SOX6: variants seen among roughly 807,000 people sequenced by gnomAD.
SOX6 encodes the protein transcription factor SOX-6.
In SOX6, 11 loss-of-function variants were observed where a neutral mutation model predicts 97.8. The observed-to-expected ratio is 0.11, with a 90% CI of 0.07 to 0.19. The LOEUF (loss-of-function observed/expected upper bound fraction) is 0.19. Ranked by LOEUF, SOX6 falls within the 10% of genes least tolerant of loss-of-function variation. SOX6 has a pLI of 1.00. For synonymous variants in SOX6, 360 were observed against 371.4 expected (o/e 0.97, Z 0.35); for missense variants, 810 against 1,039.5 (o/e 0.78, Z 3.04).
intron 3 of SOX6, among the ~76,000 whole-genome samples, chr11:16,236,436 A>G (rs1853025058): frequency 6.6e-6 from 1 of 152,016 alleles, no homozygotes; most frequent in Non-Finnish European, 1.5e-5. Flanking sequence ...GAATTTCTGA[A>G]AGAGATTGAT....
intron 4 of SOX6, among the ~76,000 whole-genome samples, chr11:16,551,859 C>T (rs1301837240): frequency 2.0e-5 from 3 of 152,084 alleles, no homozygotes; most frequent in Non-Finnish European, 4.4e-5. Flanking sequence ...CCCACCTCAG[C>T]CTCCCAAAGT....
intron 3 of SOX6, chr11:16,264,492 T>C (rs902988132): frequency 2.0e-4 from 30 of 152,010 alleles, no homozygotes; most frequent in Admixed American, 2.0e-3. Flanking sequence ...TATATGCATA[T>C]GTAGGTTGTT....
At chr11:16,309,915 T>C (rs148077516) in intron 3 of SOX6, among the ~76,000 whole-genome samples, 37 of 152,232 alleles carry the variant, frequency 2.4e-4, no homozygotes, top group Middle Eastern at 3.4e-3. Flanking sequence ...TATGAGACTA[T>C]AACTTATTTC....
intron 12 of SOX6, among the ~76,000 whole-genome samples, chr11:16,043,457 T>C (rs1014424665): frequency 6.6e-6 from 1 of 152,164 alleles, no homozygotes; most frequent in African/African-American, 2.4e-5. Flanking sequence ...CAGTCGACAA[T>C]GACTCCACTG....
At chr11:16,629,518 G>T (rs1173143396) in intron 3 of SOX6, among the ~76,000 whole-genome samples, 1 of 152,034 alleles carries the variant, frequency 6.6e-6, no homozygotes, top group African/African-American at 2.4e-5. Flanking sequence ...GAAGACTTTT[G>T]TGTCTATACT....
intron 3 of SOX6, among the ~76,000 whole-genome samples, chr11:16,653,653 C>T (rs1847684225): frequency 6.6e-6 from 1 of 152,082 alleles, no homozygotes; most frequent in African/African-American, 2.4e-5. Context: ...TGATAAAGCA[C>T]TACACATTAG....
intron 13 of SOX6, among the ~76,000 whole-genome samples, chr11:16,010,237 T>C (rs1056166817): frequency 2.0e-5 from 3 of 151,712 alleles, no homozygotes; most frequent in Non-Finnish European, 2.9e-5. Context: ...TCAGTATAAA[T>C]CTATAAAATG....
intron 4 of SOX6, among the ~76,000 whole-genome samples, chr11:16,500,532 C>T (rs1470911731): frequency 6.6e-6 from 1 of 152,186 alleles, no homozygotes; most frequent in African/African-American, 2.4e-5. Flanking sequence ...TCCCTGTTTG[C>T]AGATGACATG....
intron 1 of SOX6, among the ~76,000 whole-genome samples, chr11:16,362,316 G>C (rs1212764404): frequency 6.6e-6 from 1 of 151,968 alleles, no homozygotes; most frequent in African/African-American, 2.4e-5. Context: ...AATAAACTAA[G>C]GGATACAAGC....
At position 16,641,535 on chromosome 11, in the gene SOX6, G is replaced by T. The variant is rs1047689372; in HGVS notation, n.430-29275C>A. ...AAAGTCTCTCGTTATTATTGTGTGGGAGTCTAAGTCTCTTTATAGGTCTCT... is the reference window on the plus strand; with the variant it reads ...AAAGTCTCTCGTTATTATTGTGTGGTAGTCTAAGTCTCTTTATAGGTCTCT... On this transcript the variant is annotated intron_variant and non_coding_transcript_variant, in intron 3 of 5. Coordinates refer to the SOX6 transcript ENST00000524520. Among the ~76,000 whole-genome samples, 146 of 152,230 alleles carry T rather than the reference G, an allele frequency of 9.6e-4. 2 individuals carry two copies. The highest frequency in any genetic ancestry group is 8.8e-5 in the Non-Finnish European group (6 of 68,006).
Position 16,607,597 on chromosome 11 carries a change from G to A in SOX6, n.609+4484C>T, listed in dbSNP as rs1202394155. 6.6e-6 allele frequency: 1 copy of A among 152,422 alleles called. No homozygotes were observed. The highest frequency in any genetic ancestry group is 2.4e-5 in the African/African-American group (1 of 41,470). 9.4% of individuals were successfully genotyped at this position (152,422 alleles called of 1,614,324 possible). On this transcript the variant is annotated intron_variant and non_coding_transcript_variant, in intron 4 of 5. Transcript: ENST00000524520. This position sits in a 1 kb window ranked among gnomAD's most constrained non-coding sequence, Gnocchi z 6.5. Reference sequence around the variant, plus strand: ...GTGGGGGCAGCGCAGAGCGGCAGAAGTTTGCCGCCGGGGTTCCAGGAGGTG... The same window carrying A: ...GTGGGGGCAGCGCAGAGCGGCAGAAATTTGCCGCCGGGGTTCCAGGAGGTG...
chr11:16,450,949 G>A (rs1002553214), intron 1 of SOX6, among the ~76,000 whole-genome samples: 1 of 152,080 alleles, frequency 6.6e-6, no homozygotes. Context: ...ATGATTTGAG[G>A]GGCACTGGGT....
In SOX6 at chr11:16,716,686, C is replaced by T. The variant is rs983959800; in HGVS notation, n.354-1781G>A. 5.3e-5 allele frequency among the ~76,000 whole-genome samples: 8 copies of T among 152,002 alleles called. No individual in the cohort carries two copies. In the East Asian group the frequency reaches 1.5e-3, roughly 29 times the overall value. Reference sequence around the variant, plus strand: ...TAAGTCAAAAACTGGAAACAACTCACATACCCATCAACAAATGAATTCATA... The same window carrying T: ...TAAGTCAAAAACTGGAAACAACTCATATACCCATCAACAAATGAATTCATA... On this transcript the variant is annotated intron_variant and non_coding_transcript_variant, in intron 2 of 5. Coordinates refer to the SOX6 transcript ENST00000524520.
chr11:16,168,051 C>A (rs1380552007), intron 6 of SOX6, among the ~76,000 whole-genome samples: 1 of 151,900 alleles, frequency 6.6e-6, no homozygotes. Flanking sequence ...GATATCTCAA[C>A]AGAAAAGAAA....
intron 4 of SOX6, among the ~76,000 whole-genome samples, chr11:16,501,708 C>G (rs985806719): frequency 6.6e-6 from 1 of 152,104 alleles, no homozygotes; most frequent in Admixed American, 6.6e-5. Context: ...GACACATGAA[C>G]AAATGCTCAT....
intron 13 of SOX6, among the ~76,000 whole-genome samples, chr11:15,997,887 C>A (rs1325994088): frequency 6.6e-6 from 1 of 152,032 alleles, no homozygotes; most frequent in East Asian, 1.9e-4. Context: ...TCAAGACCAG[C>A]CTGACCAATA....
chr11:16,710,206 T>C (rs528328237), intron 3 of SOX6, among the ~76,000 whole-genome samples: 1 of 152,222 alleles, frequency 6.6e-6, no homozygotes, highest in African/African-American at 2.4e-5. Flanking sequence ...GAGATAGGTG[T>C]ACCCTATTCA....
intron 1 of SOX6, among the ~76,000 whole-genome samples, chr11:16,374,764 A>G (rs1391623758): frequency 6.6e-6 from 1 of 152,116 alleles, no homozygotes; most frequent in African/African-American, 2.4e-5. Context: ...TCTATACTCC[A>G]TAAAATCCAA....
chr11:16,718,331 A>T (rs1201952312), intron 2 of SOX6, among the ~76,000 whole-genome samples: 2 of 152,276 alleles, frequency 1.3e-5, no homozygotes, highest in Admixed American at 1.3e-4. Context: ...GACATCTCTA[A>T]TGACTTAGAG....
Sources: gnomAD v4.1 joint callset for allele counts (sites outside exome capture counted in the v4.1 genomes callset) on GRCh38, gnomAD v4.1.1 for gene constraint, Gnocchi (gnomAD v3.1) non-coding constraint, MANE v1.5 for transcripts, NCBI Gene and HGNC (gene_info 2026-07-23, HGNC 2026-07-21) for gene names.